The following MACROD2 variants were observed in gnomAD, a reference collection of about 807,000 sequenced individuals.
The protein encoded by MACROD2 is mono-ADP ribosylhydrolase 2, also known as ADP-ribose glycohydrolase MACROD2.
MACROD2 carries 36 observed loss-of-function variants against 70.4 expected under a neutral mutation model. The observed-to-expected ratio is 0.51, with a 90% CI of 0.39 to 0.68. The LOEUF is 0.68. MACROD2 is among the 30% of genes least tolerant of loss of function. The pLI is 0.00. For missense variants in MACROD2, 496 were observed against 538.4 expected (o/e 0.92, Z 0.78); for synonymous variants, 172 against 178.8 (o/e 0.96, Z 0.30).
chr20:14,361,780 A>T (rs972774774), intron 3 of MACROD2, among the ~76,000 whole-genome samples: 2 of 152,196 alleles, frequency 1.3e-5, no homozygotes, highest in Non-Finnish European at 2.9e-5. Flanking sequence ...AAACAAGCCA[A>T]TAGCTGATGT....
rs184104478 is a variant in MACROD2 at position 14,797,930 on chromosome 20, A to T, written c.418+112971A>T. 1.8e-4 allele frequency among the ~76,000 whole-genome samples: 28 copies of T among 152,228 alleles called. No individual in the cohort carries two copies. In the East Asian group the frequency reaches 5.4e-3, roughly 29 times the overall value. ...CGGAGAAACATAAGGCTGACTCTGC[A>T]TCTTATTACCAAGACTGGAAAAAAC... On this transcript the variant is annotated intron_variant, in intron 5 of 17. Coordinates refer to ENST00000684519, the MANE Select transcript of MACROD2 (RefSeq NM_001351661.2).
intron 4 of MACROD2, among the ~76,000 whole-genome samples, chr20:14,630,911 T>TTTTGTG (rs1417789210): frequency 5.3e-5 from 8 of 152,074 alleles, no homozygotes; most frequent in African/African-American, 1.9e-4. Context: ...TTGTTTTTGT[T>TTTTGTG]TTACATTTTG....
chr20:15,508,122 A>G (rs751956373), intron 8 of MACROD2, among the ~76,000 whole-genome samples: 5 of 152,180 alleles, frequency 3.3e-5, no homozygotes, highest in Admixed American at 6.5e-5. Flanking sequence ...ACCAACCTAC[A>G]GTCCTATGTA....
intron 3 of MACROD2, among the ~76,000 whole-genome samples, chr20:14,481,656 A>G (rs1313444462): frequency 6.6e-6 from 1 of 152,184 alleles, no homozygotes; most frequent in African/African-American, 2.4e-5. Context: ...AAATAAAATA[A>G]TTCCTTAAGA....
intron 5 of MACROD2, among the ~76,000 whole-genome samples, chr20:14,876,901 C>A (rs2073557393): frequency 6.6e-6 from 1 of 152,050 alleles, no homozygotes; most frequent in African/African-American, 2.4e-5. Flanking sequence ...TAATGTGATG[C>A]CTCTGACTTT....
At chr20:15,841,497 G>A (rs955882488) in intron 8 of MACROD2, among the ~76,000 whole-genome samples, 5 of 152,118 alleles carry the variant, frequency 3.3e-5, no homozygotes, top group African/African-American at 4.8e-5. Flanking sequence ...AGGGGAAGTA[G>A]GCACGTCTTA....
At chr20:15,321,682 AT>A (rs1205546194) in intron 6 of MACROD2, among the ~76,000 whole-genome samples, 1 of 144,702 alleles carries the variant, frequency 6.9e-6, no homozygotes, top group African/African-American at 2.5e-5. Flanking sequence ...ATATACATTA[AT>A]TTTTGCAAAG....
At chr20:14,195,376 G>A (rs982822365) in intron 3 of MACROD2, among the ~76,000 whole-genome samples, 3 of 152,116 alleles carry the variant, frequency 2.0e-5, no homozygotes, top group Non-Finnish European at 2.9e-5. Flanking sequence ...CAGAAATGGG[G>A]AAGGGAAGTG....
At chr20:15,621,203 T>G (rs984988216) in intron 8 of MACROD2, among the ~76,000 whole-genome samples, 48 of 152,236 alleles carry the variant, frequency 3.2e-4, no homozygotes, top group African/African-American at 1.1e-3. Context: ...CCGTTTGCTC[T>G]CATTGAGTCA....
At chr20:15,268,128 AAGAG>A (rs1416731408) in intron 6 of MACROD2, among the ~76,000 whole-genome samples, 3 of 152,140 alleles carry the variant, frequency 2.0e-5, no homozygotes, top group Non-Finnish European at 4.4e-5. Flanking sequence ...GAGGAAGAGA[AAGAG>A]AGGAAGAAGC....
intron 5 of MACROD2, among the ~76,000 whole-genome samples, chr20:14,724,303 A>G (rs1468329631): frequency 6.6e-6 from 1 of 152,138 alleles, no homozygotes; most frequent in East Asian, 1.9e-4. Context: ...AGTAAATTTC[A>G]TAACTACCTT....
At chr20:15,413,892 A>G (rs746885951) in intron 6 of MACROD2, among the ~76,000 whole-genome samples, 5 of 152,150 alleles carry the variant, frequency 3.3e-5, no homozygotes, top group Admixed American at 2.0e-4. Context: ...GCTCACACAG[A>G]AAAGCACCTG....
intron 4 of MACROD2, among the ~76,000 whole-genome samples, chr20:14,611,077 T>C (rs1408108001): frequency 2.6e-5 from 4 of 152,128 alleles, no homozygotes; most frequent in African/African-American, 9.7e-5. Context: ...CATTTAGATT[T>C]TTGTTAAGAG....
chr20:15,934,703 G>A (rs1031835958), intron 11 of MACROD2, among the ~76,000 whole-genome samples: 3 of 151,598 alleles, frequency 2.0e-5, no homozygotes, highest in Admixed American at 1.3e-4. Flanking sequence ...GTTTTGTTTT[G>A]TTTTGTTTTT....
chr20:14,143,370 C>T (rs1328272735), intron 3 of MACROD2, among the ~76,000 whole-genome samples: 1 of 152,174 alleles, frequency 6.6e-6, no homozygotes, highest in Non-Finnish European at 1.5e-5. Context: ...GTGTAACCAC[C>T]TTGTAGCAAC....
intron 2 of MACROD2, among the ~76,000 whole-genome samples, chr20:14,028,681 C>A (rs547415520): frequency 3.3e-4 from 51 of 152,250 alleles, no homozygotes; most frequent in African/African-American, 1.1e-3. Context: ...GAAGGGAGTT[C>A]TCCGACCCCT....
chr20:14,864,040 G>A (rs2073401236), intron 5 of MACROD2, among the ~76,000 whole-genome samples: 1 of 152,044 alleles, frequency 6.6e-6, no homozygotes, highest in African/African-American at 2.4e-5. Flanking sequence ...TATTTCCTGA[G>A]TATAGATAAT....
intron 6 of MACROD2, among the ~76,000 whole-genome samples, chr20:15,379,253 A>G (rs975006500): frequency 1.3e-5 from 2 of 152,176 alleles, no homozygotes; most frequent in Admixed American, 6.5e-5. Flanking sequence ...TTCTCATGAG[A>G]TGGATAGCAT....
At chr20:15,481,612 T>TAAAAG (rs78572855) in intron 7 of MACROD2, among the ~76,000 whole-genome samples, 7,507 of 151,974 alleles carry the variant, frequency 0.049, 280 homozygotes, top group Non-Finnish European at 0.07. Flanking sequence ...ATTATGGTTA[T>TAAAAG]AAAAGAAAAG....
Sources: gnomAD v4.1 joint callset for allele counts (sites outside exome capture counted in the v4.1 genomes callset) on GRCh38, gnomAD v4.1.1 for gene constraint, MANE v1.5 for transcripts, NCBI Gene and HGNC (gene_info 2026-07-23, HGNC 2026-07-21) for gene names.